REEP3: variants seen among roughly 807,000 people sequenced by gnomAD.
REEP3 encodes receptor accessory protein 3, also known as receptor expression-enhancing protein 3.
REEP3 carries 20 observed loss-of-function variants against 41.3 expected under a neutral mutation model. That is an observed-to-expected ratio of 0.48 (90% CI 0.34 to 0.70). The LOEUF is 0.70. REEP3 is among the 30% of genes least tolerant of loss of function. REEP3 has a pLI of 0.01. For synonymous variants in REEP3, 104 were observed against 101.8 expected (o/e 1.02, Z -0.13); for missense variants, 271 against 308.8 (o/e 0.88, Z 0.92).
chr10:63,539,769 C>T (rs1024490008), intron 1 of REEP3, among the ~76,000 whole-genome samples: 1 of 152,020 alleles, frequency 6.6e-6, no homozygotes, highest in Non-Finnish European at 1.5e-5. Flanking sequence ...CTTTAAAAAC[C>T]CTTTCTCAGA....
At chr10:63,608,405 C>A (rs1440786806) in intron 5 of REEP3, among the ~76,000 whole-genome samples, 1 of 152,036 alleles carries the variant, frequency 6.6e-6, no homozygotes, top group Non-Finnish European at 1.5e-5. Context: ...ATTATTAACC[C>A]AAAGTAACTG....
At position 63,578,397 on chromosome 10, in the gene REEP3, C is replaced by T. The variant is rs150658483; in HGVS notation, c.105+11987C>T. 3.2e-3 allele frequency among the ~76,000 whole-genome samples: 494 copies of T among 152,002 alleles called. 2 individuals carry two copies. The highest frequency in any genetic ancestry group is 0.011 in the African/African-American group (469 of 41,466). ...ACAGGCGTGGGCCACAGCGCCCACC[C>T]GATTTACTCTATAATATTAAGTAAG... On this transcript the variant is annotated intron_variant, in intron 2 of 7. Coordinates refer to ENST00000373758, the MANE Select transcript of REEP3 (RefSeq NM_001001330.3).
chr10:63,579,630 A>C (rs1412906744), intron 2 of REEP3, among the ~76,000 whole-genome samples: 4 of 152,254 alleles, frequency 2.6e-5, no homozygotes, highest in Admixed American at 6.5e-5. Flanking sequence ...ACATAGAAAA[A>C]GAAATTCTCA....
At chr10:63,573,933 CTGCT>C (rs1244706424) in intron 2 of REEP3, among the ~76,000 whole-genome samples, 2 of 152,110 alleles carry the variant, frequency 1.3e-5, no homozygotes, top group Non-Finnish European at 2.9e-5. Context: ...TTTTGTCAGG[CTGCT>C]TGCTTGTCTG....
chr10:63,536,385 A>AT (rs974949888), intron 1 of REEP3, among the ~76,000 whole-genome samples: 7 of 152,212 alleles, frequency 4.6e-5, no homozygotes, highest in Non-Finnish European at 1.0e-4. Flanking sequence ...TTTCTATTAC[A>AT]TTCACCATTC....
intron 6 of REEP3, among the ~76,000 whole-genome samples, chr10:63,614,714 A>G (rs556643109): frequency 2.0e-5 from 3 of 152,330 alleles, no homozygotes; most frequent in African/African-American, 7.2e-5. Context: ...AGGGAAGGGA[A>G]GAGGAGTGTC....
intron 1 of REEP3, among the ~76,000 whole-genome samples, chr10:63,522,445 TC>T (rs1955287902): frequency 6.6e-6 from 1 of 152,102 alleles, no homozygotes; most frequent in East Asian, 1.9e-4. Flanking sequence ...AAACTGATTT[TC>T]TCTCATCTCC....
chr10:63,556,108 G>A (rs1010779666), intron 1 of REEP3, among the ~76,000 whole-genome samples: 3 of 151,770 alleles, frequency 2.0e-5, no homozygotes, highest in Non-Finnish European at 4.4e-5. Context: ...ATTCCTCATT[G>A]AGATTAAGAT....
chr10:63,578,544 A>G (rs7910951), intron 2 of REEP3, among the ~76,000 whole-genome samples: 66,309 of 151,922 alleles, frequency 0.44, 14,677 homozygotes, highest in Middle Eastern at 0.49. Context: ...GCCGAGGTGG[A>G]TGGATCAATC....
intron 6 of REEP3, among the ~76,000 whole-genome samples, chr10:63,612,961 GT>G (rs1244155798): frequency 6.6e-6 from 1 of 151,798 alleles, no homozygotes; most frequent in African/African-American, 2.4e-5. Flanking sequence ...ATAAAAACAC[GT>G]TTATAAATAT....
chr10:63,554,077 G>A (rs1473907044), intron 1 of REEP3, among the ~76,000 whole-genome samples: 1 of 151,394 alleles, frequency 6.6e-6, no homozygotes, highest in Non-Finnish European at 1.5e-5. Flanking sequence ...CCTCCAGCCT[G>A]GGTGACAGAG....
At chr10:63,578,170 G>A (rs934265550) in intron 2 of REEP3, among the ~76,000 whole-genome samples, 1 of 152,140 alleles carries the variant, frequency 6.6e-6, no homozygotes, top group African/African-American at 2.4e-5. Flanking sequence ...TGTGATCTCA[G>A]CTCAGTGCAA....
chr10:63,560,862 G>A (rs1955733920), intron 1 of REEP3, among the ~76,000 whole-genome samples: 1 of 152,004 alleles, frequency 6.6e-6, no homozygotes, highest in Admixed American at 6.6e-5. Flanking sequence ...AGACCCCAGT[G>A]TTAAAGAAAA....
chr10:63,579,545 A>G (rs537346296), intron 2 of REEP3, among the ~76,000 whole-genome samples: 115 of 152,386 alleles, frequency 7.5e-4, no homozygotes, highest in African/African-American at 2.5e-3. Flanking sequence ...CAGTGTTCAC[A>G]CTAGGATGTA....
chr10:63,539,932 T>C (rs1311049851), intron 1 of REEP3, among the ~76,000 whole-genome samples: 1 of 152,176 alleles, frequency 6.6e-6, no homozygotes, highest in Non-Finnish European at 1.5e-5. Context: ...GAAATAGTAG[T>C]GTAGTGTCAG....
At chr10:63,609,404 A>G (rs995551883) in intron 5 of REEP3, among the ~76,000 whole-genome samples, 3 of 139,976 alleles carry the variant, frequency 2.1e-5, no homozygotes, top group Non-Finnish European at 4.6e-5. Flanking sequence ...GTGAGCCGAG[A>G]TTGCGCCACT....
intron 1 of REEP3, among the ~76,000 whole-genome samples, chr10:63,544,608 GTGT>G (rs972608432): frequency 2.6e-5 from 4 of 152,170 alleles, no homozygotes; most frequent in Non-Finnish European, 4.4e-5. Flanking sequence ...AACAGCAAGT[GTGT>G]TGTTGGGGAA....
chr10:63,521,971 G>A (rs1194362006), intron 1 of REEP3: 1 of 151,710 alleles, frequency 6.6e-6, no homozygotes, highest in South Asian at 2.1e-4. Context: ...GGCGCGCCTC[G>A]CAGCTGCTCC....
intron 2 of REEP3, among the ~76,000 whole-genome samples, chr10:63,590,998 T>TA (rs1443649813): frequency 6.6e-6 from 1 of 152,240 alleles, no homozygotes; most frequent in Non-Finnish European, 1.5e-5. Flanking sequence ...CATATGTTTA[T>TA]AAGATAGTGT....
Sources: allele counts gnomAD v4.1 joint callset (sites outside exome capture counted in the v4.1 genomes callset), GRCh38; gene constraint gnomAD v4.1.1; transcripts MANE v1.5; gene names NCBI Gene and HGNC (gene_info 2026-07-23, HGNC 2026-07-21).